UQCC1: variants seen among roughly 807,000 people sequenced by gnomAD.
The protein encoded by UQCC1 is ubiquinol-cytochrome c reductase complex assembly factor 1, also known as bFGF-repressed Zic-binding protein.
UQCC1 carries 38 observed loss-of-function variants against 48.0 expected under a neutral mutation model. The ratio of observed to expected loss-of-function variants is 0.79; its 90% CI spans 0.61 to 1.04. The LOEUF is 1.04. Among genes scored for constraint, UQCC1 ranks in the 50% least tolerant of loss-of-function variants. The pLI, the probability that UQCC1 is intolerant of heterozygous loss-of-function variation, is 0.00. For missense variants in UQCC1, 368 were observed against 381.8 expected, an observed-to-expected ratio of 0.96 and a Z score of 0.30; for synonymous variants, 111 against 129.2, an observed-to-expected ratio of 0.86 and a Z score of 0.95.
At chr20:35,408,088 T>C (rs1191489295) in intron 1 of UQCC1, among the ~76,000 whole-genome samples, 1 of 151,986 alleles carries the variant, frequency 6.6e-6, no homozygotes, top group Non-Finnish European at 1.5e-5. Flanking sequence ...AAATCAATAA[T>C]ACAATGAGAC....
intron 3 of UQCC1, among the ~76,000 whole-genome samples, chr20:35,382,313 T>C (rs1012863213): frequency 2.0e-5 from 3 of 151,526 alleles, no homozygotes; most frequent in African/African-American, 7.3e-5. Flanking sequence ...CACAGCCTGT[T>C]GTTCTCTGGA....
intron 5 of UQCC1, among the ~76,000 whole-genome samples, chr20:35,368,235 T>G (rs191397822): frequency 1.9e-4 from 29 of 152,256 alleles, no homozygotes; most frequent in Middle Eastern, 6.8e-3. Flanking sequence ...CGGACCCCCA[T>G]GAGGTACATT....
At chr20:35,358,082 G>A (rs1291519173) in intron 6 of UQCC1, among the ~76,000 whole-genome samples, 6 of 152,058 alleles carry the variant, frequency 3.9e-5, no homozygotes, top group Admixed American at 2.0e-4. Flanking sequence ...GGCTGGGCGC[G>A]CTGGCTCATG....
chr20:35,394,255 CAA>C (rs2062048023), intron 1 of UQCC1, 59 bp from the exon 2 acceptor site: 2 of 1,417,244 alleles, frequency 1.4e-6, no homozygotes, highest in African/African-American at 1.4e-5. Context: ...ACATGGAAGG[CAA>C]AGAGTGTACC....
chr20:35,354,565 T>G (rs1160567813), intron 6 of UQCC1, among the ~76,000 whole-genome samples: 1 of 151,940 alleles, frequency 6.6e-6, no homozygotes, highest in Non-Finnish European at 1.5e-5. Flanking sequence ...CCGGGCTAAT[T>G]TTTTGTATTT....
intron 7 of UQCC1, 74 bp downstream of exon 7, chr20:35,347,090 A>G (rs61571396): frequency 6.2e-7 from 1 of 1,614,186 alleles, no homozygotes; most frequent in Non-Finnish European, 8.5e-7. Flanking sequence ...GGGCCATTTT[A>G]CAACAGATAA....
intron 1 of UQCC1, among the ~76,000 whole-genome samples, chr20:35,394,525 G>A (rs2062051727): frequency 6.6e-6 from 1 of 152,118 alleles, no homozygotes; most frequent in Non-Finnish European, 1.5e-5. Flanking sequence ...TCCAGGAGAG[G>A]AGAGGGATTA....
rs146744105 is a variant in UQCC1 at position 35,391,200 on chromosome 20, A to G, written c.129+2892T>C. On this transcript the variant is annotated intron_variant, in intron 2 of 9. Coordinates refer to ENST00000374385, the MANE Select transcript of UQCC1 (RefSeq NM_018244.5). ...CAGAGCAAGACTCTGTCTCAAAAAA[A>G]TGAATAAAAAATAAAAGAAAATAAA... Among the ~76,000 whole-genome samples the G allele has an allele frequency of 3.9e-5, 6 of 152,270 alleles. 1 individual carries two copies. The East Asian group carries it at 1.2e-3, about 29-fold the overall frequency.
At chr20:35,409,641 C>T (rs1331519822) in intron 1 of UQCC1, among the ~76,000 whole-genome samples, 1 of 152,126 alleles carries the variant, frequency 6.6e-6, no homozygotes, top group Admixed American at 6.6e-5. Flanking sequence ...TAAGCATGTC[C>T]AGTTCCACTG....
intron 6 of UQCC1, among the ~76,000 whole-genome samples, chr20:35,351,735 T>C (rs2061492357): frequency 6.6e-6 from 1 of 152,252 alleles, no homozygotes; most frequent in Admixed American, 6.5e-5. Context: ...GACCATAAAC[T>C]TTCTAACTGT....
intron 7 of UQCC1, among the ~76,000 whole-genome samples, chr20:35,321,275 TGTGTGTGTGCGCGC>T (rs1251450822): frequency 6.9e-6 from 1 of 145,698 alleles, no homozygotes; most frequent in African/African-American, 2.7e-5. Flanking sequence ...TGTGTGTGTG[TGTGTGTGTGCGCGC>T]GCGCGCGCGC....
At chr20:35,314,875 G>T in intron 7 of UQCC1, 110 bp from the exon 8 acceptor site, 1 of 735,326 alleles carries the variant, frequency 1.4e-6, no homozygotes, top group Non-Finnish European at 2.1e-6. Context: ...AAGAGAGACG[G>T]CCACTAACAA....
At chr20:35,411,904 C>T (rs1241425873) in intron 1 of UQCC1, 36 bp downstream of exon 1, 1 of 1,613,972 alleles carries the variant, frequency 6.2e-7, no homozygotes, top group Non-Finnish European at 8.5e-7. Context: ...ACCCGGGACC[C>T]AGAGAGCTAC....
intron 7 of UQCC1, among the ~76,000 whole-genome samples, chr20:35,341,003 C>G (rs1467603857): frequency 2.6e-5 from 4 of 151,878 alleles, no homozygotes; most frequent in Non-Finnish European, 5.9e-5. Flanking sequence ...CCGAGAAGGG[C>G]GGATCACCTG....
In UQCC1 at chr20:35,404,302, G is replaced by A. The variant is rs567735528; in HGVS notation, c.24+7638C>T. On this transcript the variant is annotated intron_variant, in intron 1 of 9. Coordinates refer to ENST00000374385, the MANE Select transcript of UQCC1 (RefSeq NM_018244.5). ...GGAGAATGGCGTGAACCCAGGAGGC[G>A]GAGTTTGCAGTGAGCCGAGATTGCA... 1.1e-4 allele frequency among the ~76,000 whole-genome samples: 17 copies of A among 152,088 alleles called. No individual in the cohort carries two copies. In the East Asian group the frequency reaches 1.6e-3, roughly 14 times the overall value.
At chr20:35,340,838 C>T (rs1416406184) in intron 7 of UQCC1, among the ~76,000 whole-genome samples, 7 of 150,612 alleles carry the variant, frequency 4.6e-5, no homozygotes, top group Non-Finnish European at 8.9e-5. Context: ...GAAAGAGAGG[C>T]GATTTGGTGA....
chr20:35,362,460 G>A lies in UQCC1; in HGVS notation c.464+4097C>T, dbSNP rs534730644. 9.9e-5 allele frequency among the ~76,000 whole-genome samples: 15 copies of A among 152,260 alleles called. No homozygotes were observed. The East Asian group carries it at 1.5e-3, about 16-fold the overall frequency. Reference sequence around the variant, plus strand: ...CAACCTCAGCTTCCCAGGTTCAAGCGATTCTCATGCTTTAGCCTCCTGAGT... The same window carrying A: ...CAACCTCAGCTTCCCAGGTTCAAGCAATTCTCATGCTTTAGCCTCCTGAGT... On this transcript the variant is annotated intron_variant, in intron 6 of 9. Coordinates refer to ENST00000374385, the MANE Select transcript of UQCC1 (RefSeq NM_018244.5).
chr20:35,314,856 T>C (rs189746526), intron 7 of UQCC1, 91 bp from the exon 8 acceptor site: 3 of 984,132 alleles, frequency 3.0e-6, no homozygotes, highest in Non-Finnish European at 4.5e-6. Context: ...TGTCACAGAC[T>C]CTTAGTAGAA....
At chr20:35,410,653 C>T (rs1202731261) in intron 1 of UQCC1, among the ~76,000 whole-genome samples, 1 of 129,242 alleles carries the variant, frequency 7.7e-6, no homozygotes, top group Non-Finnish European at 1.6e-5. Context: ...GCAGTGAGCC[C>T]GAGATGGCAC....
Sources: gnomAD v4.1 joint callset for allele counts (sites outside exome capture counted in the v4.1 genomes callset) on GRCh38, gnomAD v4.1.1 for gene constraint, MANE v1.5 for transcripts, NCBI Gene and HGNC (gene_info 2026-07-23, HGNC 2026-07-21) for gene names.